The following PPP1R15B variants were observed in gnomAD, a reference collection of about 807,000 sequenced individuals.
The protein encoded by PPP1R15B is protein phosphatase 1 regulatory subunit 15B.
Under a neutral mutation model 53.9 loss-of-function variants are expected in PPP1R15B, and 31 were observed. The ratio of observed to expected loss-of-function variants is 0.58; its 90% CI spans 0.43 to 0.78. PPP1R15B has a LOEUF of 0.78. Among genes scored for constraint, PPP1R15B ranks in the 30% least tolerant of loss-of-function variants. The pLI is 0.00. For missense variants in PPP1R15B, 928 were observed against 849.6 expected, an observed-to-expected ratio of 1.09 and a Z score of -1.15; for synonymous variants, 345 against 329.1, an observed-to-expected ratio of 1.05 and a Z score of -0.52.
chr1:204,398,520 C>A (rs1466403029), downstream of PPP1R15B, among the ~76,000 whole-genome samples: 2 of 152,164 alleles, frequency 1.3e-5, no homozygotes, highest in East Asian at 3.9e-4. Context: ...AAATACAAAT[C>A]TTGGTTCTCC....
At chr1:204,408,916 A>G (rs1674310626) in intron 1 of PPP1R15B, among the ~76,000 whole-genome samples, 1 of 152,246 alleles carries the variant, frequency 6.6e-6, no homozygotes, top group South Asian at 2.1e-4. Flanking sequence ...TTGACTTTCA[A>G]TTAAAACCAT....
chr1:204,411,110 C>G lies in PPP1R15B; in HGVS notation c.302G>C (p.Gly101Ala), dbSNP rs376000765. ...MFPTRWLDFA[G>A]VYSALRALKG... ...CAGGGCTCTCAGGGCGCTGTAGACT[C>G]CAGCAAAATCTAGCCATCTGGTCGG... is the stretch of plus-strand genomic sequence containing the variant. The change falls in exon 1 of 2, where the codon GGA (glycine) becomes GCA (alanine). Residue 101 changes from glycine (G) to alanine (A), a missense_variant. Physicochemically the swap from Gly to Ala is moderately conservative, Grantham distance 60 (BLOSUM62 0). Coordinates refer to ENST00000367188, the MANE Select transcript of PPP1R15B (RefSeq NM_032833.5). 1.2e-6 allele frequency: 2 copies of G among 1,614,094 alleles called. No homozygotes were observed. The highest frequency in any genetic ancestry group is 2.7e-5 in the African/African-American group (2 of 74,942).
downstream of PPP1R15B, among the ~76,000 whole-genome samples, chr1:204,402,581 C>T (rs1264084930): frequency 6.6e-6 from 1 of 151,630 alleles, no homozygotes; most frequent in African/African-American, 2.4e-5. Flanking sequence ...CCACCATGGG[C>T]CAGTTTTTTT....
downstream of PPP1R15B, among the ~76,000 whole-genome samples, chr1:204,400,429 C>G (rs532946790): frequency 6.6e-6 from 1 of 151,924 alleles, no homozygotes; most frequent in African/African-American, 2.4e-5. Context: ...CCCAACTCAG[C>G]CTCCCAAGTA....
chr1:204,406,295 C>T lies in PPP1R15B; in HGVS notation c.1939G>A (p.Val647Ile). 6.2e-7 allele frequency: 1 copy of T among 1,613,940 alleles called. No individual in the cohort carries two copies. The highest frequency in any genetic ancestry group is 8.5e-7 in the Non-Finnish European group (1 of 1,179,894). ...TCACCACTTATATAATACTCAGTAACTTCTTCAAGGAAGGTTACCTACAAA... is the reference window on the plus strand; with the variant it reads ...TCACCACTTATATAATACTCAGTAATTTCTTCAAGGAAGGTTACCTACAAA... ...KRKKVTFLEE[V>I]TEYYISGDED... is the part of the protein sequence containing the mutation. Residue 647 changes from valine (V) to isoleucine (I), a missense_variant, in exon 2 of 2, where the codon GTT becomes ATT. Physicochemically the swap from Val to Ile is conservative, Grantham distance 29. Transcript: ENST00000367188.
Position 204,409,654 on chromosome 1 carries a change from A to G in PPP1R15B, c.1758T>C (p.Arg586=), listed in dbSNP as rs1470119179. 1 of 1,614,042 alleles carries G rather than the reference A, an allele frequency of 6.2e-7. No individual in the cohort carries two copies. The highest frequency in any genetic ancestry group is 1.3e-5 in the African/African-American group (1 of 74,902). Residue 586 remains arginine (R), a synonymous_variant, in exon 1 of 2, where the codon CGT becomes CGC. Coordinates refer to ENST00000367188, the MANE Select transcript of PPP1R15B (RefSeq NM_032833.5). ...QTSGENEKGC[R]DSKTPSESIV... ...TGGACTCAGATGGGGTCTTTGAGTC[A>G]CGACAGCCTTTCTCATTTTCCCCTG...
At position 204,410,267 on chromosome 1, in the gene PPP1R15B, G is replaced by A. The variant is rs1674342481; in HGVS notation, c.1145C>T (p.Ser382Phe). ...VPLALEEESP[S>F]EGCPSSEIPM... Reference sequence around the variant, plus strand: ...TATCTCACTAGATGGACAGCCCTCAGAAGGGCTCTCTTCTTCCAAAGCAAG... The same window carrying A: ...TATCTCACTAGATGGACAGCCCTCAAAAGGGCTCTCTTCTTCCAAAGCAAG... Residue 382 changes from serine (S) to phenylalanine (F), a missense_variant, in exon 1 of 2, where the codon TCT (serine) becomes TTT (phenylalanine). By Grantham distance (155) the Ser-to-Phe change is radical. Coordinates refer to ENST00000367188, the MANE Select transcript of PPP1R15B (RefSeq NM_032833.5). The A allele has an allele frequency of 1.2e-6, 2 of 1,613,866 alleles. No homozygotes were observed. Among genetic ancestry groups the A allele is most frequent in the Non-Finnish European group, 1.7e-6 (2 of 1,179,906 alleles).
chr1:204,403,027 G>A (rs180700532), downstream of PPP1R15B, among the ~76,000 whole-genome samples: 8 of 152,146 alleles, frequency 5.3e-5, no homozygotes, highest in Admixed American at 1.3e-4. Flanking sequence ...AGCTGAGATC[G>A]TGCCACTTCA....
Position 204,410,296 on chromosome 1 carries a change from A to G in PPP1R15B, c.1116T>C (p.Val372=). Residue 372 remains valine (V), a synonymous_variant, in exon 1 of 2, where the codon GTT becomes GTC. Coordinates refer to ENST00000367188, the MANE Select transcript of PPP1R15B (RefSeq NM_032833.5). ...EEKIELLTTE[V]PLALEEESPS... is the part of the protein sequence containing the mutation. The stretch of plus-strand genomic sequence containing the variant: ...GGCTCTCTTCTTCCAAAGCAAGTGG[A>G]ACCTCTGTAGTTAATAATTCTATTT... 6.2e-7 allele frequency: 1 copy of G among 1,614,154 alleles called. No individual in the cohort carries two copies. The highest frequency in any genetic ancestry group is 8.5e-7 in the Non-Finnish European group (1 of 1,180,026).
Position 204,411,330 on chromosome 1 carries a change from G to A in PPP1R15B, c.82C>T (p.Arg28Ter), listed in dbSNP as rs761975686. ...FRFWPPFFPRRSQAGSSKFPT... is the reference protein window; with the variant it reads ...FRFWPPFFPR Reference sequence around the variant, plus strand: ...AACTTAGAAGAGCCTGCTTGCGATCGCCGAGGGAAAAAGGGTGGCCAGAAC... The same window carrying A: ...AACTTAGAAGAGCCTGCTTGCGATCACCGAGGGAAAAAGGGTGGCCAGAAC... The change falls in exon 1 of 2, where the codon CGA becomes TGA. Residue 28 changes from arginine (R) to a stop codon, truncating the protein, a stop_gained. Transcript: ENST00000367188. LOFTEE classifies it high-confidence loss of function. 1.2e-6 allele frequency: 2 copies of A among 1,614,118 alleles called. No individual in the cohort carries two copies. The highest frequency in any genetic ancestry group is 1.7e-6 in the Non-Finnish European group (2 of 1,180,042).
chr1:204,410,753 G>A lies in PPP1R15B; in HGVS notation c.659C>T (p.Ser220Phe), dbSNP rs759633321. ...CAGGTAGGAAGGGTTCAGCAAATAG[G>A]ATACCACACTGAAATTGTCTATGCG... ...IQRIDNFSVV[S>F]YLLNPSYLDC... Residue 220 changes from serine (S) to phenylalanine (F), a missense_variant, in exon 1 of 2, where the codon TCC becomes TTC. Ser to Phe is a radical substitution (Grantham distance 155). Coordinates refer to ENST00000367188, the MANE Select transcript of PPP1R15B (RefSeq NM_032833.5). 1.4e-5 allele frequency: 22 copies of A among 1,614,072 alleles called. No individual in the cohort carries two copies. In the Admixed American group the frequency reaches 2.3e-4, roughly 17 times the overall value.
At position 204,411,625 on chromosome 1, in the gene PPP1R15B, G is replaced by T. The variant is rs1674382270; in HGVS notation, c.-214C>A. Reference sequence around the variant, plus strand: ...AAGAACAGCCCGCGCAATAGGCGGCGACTGATGCGACTTCCATCCTGGCGG... The same window carrying T: ...AAGAACAGCCCGCGCAATAGGCGGCTACTGATGCGACTTCCATCCTGGCGG... On this transcript the variant is annotated 5_prime_UTR_variant, in exon 1 of 2. Coordinates refer to ENST00000367188, the MANE Select transcript of PPP1R15B (RefSeq NM_032833.5). 1 of 617,032 alleles carries T rather than the reference G, an allele frequency of 1.6e-6. No homozygotes were observed. Among genetic ancestry groups the T allele is most frequent in the East Asian group, 2.8e-5 (1 of 35,936 alleles). The allele number at this position is 617,032 out of a possible 1,614,324, so 38.2% of individuals were successfully genotyped here. A position where few individuals can be genotyped will look rare whatever the true frequency, so the allele number is the denominator to read the frequency against.
In PPP1R15B at chr1:204,406,199, T is replaced by C; in HGVS notation, c.2035A>G (p.Thr679Ala). 1 of 1,614,176 alleles carries C rather than the reference T, an allele frequency of 6.2e-7. No homozygotes were observed. The highest frequency in any genetic ancestry group is 8.5e-7 in the Non-Finnish European group (1 of 1,180,024). ...GCRFQKRIQETEDAIGYCLTF... is the reference protein window; with the variant it reads ...GCRFQKRIQEAEDAIGYCLTF... ...AAGCAATATCCAATAGCATCTTCTGTTTCTTGAATTCGTTTCTGGAACCTG... is the reference window on the plus strand; with the variant it reads ...AAGCAATATCCAATAGCATCTTCTGCTTCTTGAATTCGTTTCTGGAACCTG... Residue 679 changes from threonine to alanine, a missense_variant, in exon 2 of 2, where the codon ACA (threonine) becomes GCA (alanine). Transcript: ENST00000367188.
downstream of PPP1R15B, among the ~76,000 whole-genome samples, chr1:204,399,025 A>T (rs1674133260): frequency 6.6e-6 from 1 of 152,180 alleles, no homozygotes; most frequent in South Asian, 2.1e-4. Context: ...AGGACATTTA[A>T]ATTCTGTGAT....
rs1488998306 is a variant in PPP1R15B at position 204,403,785 on chromosome 1, CA to C, written c.*2306del. 4 of 985,592 alleles carry C rather than the reference CA, an allele frequency of 4.1e-6. No homozygotes were observed. The highest frequency in any genetic ancestry group is 1.2e-4 in the Admixed American group (2 of 16,266). 61.1% of individuals were successfully genotyped at this position (985,592 alleles called of 1,614,324 possible). On this transcript the variant is annotated 3_prime_UTR_variant, in exon 2 of 2. Coordinates refer to ENST00000367188, the MANE Select transcript of PPP1R15B (RefSeq NM_032833.5). ...TGTTCTAACTAGAATTGGGATGAAACAAGAATTTTGCTTTTTTCTCCTTCAG... is the reference window on the plus strand; with the variant it reads ...TGTTCTAACTAGAATTGGGATGAAACAGAATTTTGCTTTTTTCTCCTTCAG...
At chr1:204,400,236 CAAAA>C (rs369757663), downstream of PPP1R15B, among the ~76,000 whole-genome samples, 1 of 123,036 alleles carries the variant, frequency 8.1e-6, no homozygotes, top group Non-Finnish European at 1.6e-5. Flanking sequence ...GACACTGTCT[CAAAA>C]AAAAAAAAAA....
chr1:204,396,470 C>A (rs1111973), downstream of PPP1R15B, among the ~76,000 whole-genome samples: 636 of 150,796 alleles, frequency 4.2e-3, 5 homozygotes, highest in African/African-American at 0.014. Context: ...GGAGGATCAC[C>A]TGAACCCAGG....
In PPP1R15B at chr1:204,411,319, T is replaced by G. The variant is rs1368485260; in HGVS notation, c.93A>C (p.Ala31=). ...GAGGCGTCGGGAACTTAGAAGAGCC[T>G]GCTTGCGATCGCCGAGGGAAAAAGG... ...WPPFFPRRSQ[A]GSSKFPTPLG... The change falls in exon 1 of 2, where the codon GCA becomes GCC. Residue 31 remains alanine (A), a synonymous_variant. Coordinates refer to ENST00000367188, the MANE Select transcript of PPP1R15B (RefSeq NM_032833.5). 6.2e-7 allele frequency: 1 copy of G among 1,614,012 alleles called. No individual in the cohort carries two copies. The highest frequency in any genetic ancestry group is 1.3e-5 in the African/African-American group (1 of 74,920).
At chr1:204,402,934 T>C (rs2103441476), downstream of PPP1R15B, among the ~76,000 whole-genome samples, 1 of 152,132 alleles carries the variant, frequency 6.6e-6, no homozygotes, top group African/African-American at 2.4e-5. Flanking sequence ...TAGCCGGGCA[T>C]GGTGGCAGGT....
Sources: allele counts gnomAD v4.1 joint callset (sites outside exome capture counted in the v4.1 genomes callset), GRCh38; gene constraint gnomAD v4.1.1; transcripts MANE v1.5; gene names NCBI Gene and HGNC (gene_info 2026-07-23, HGNC 2026-07-21).